EPG5: variants seen among roughly 807,000 people sequenced by gnomAD.
EPG5 encodes the protein ectopic P granules protein 5 homolog.
Under a neutral mutation model 302.7 loss-of-function variants are expected in EPG5, and 159 were observed. The ratio of observed to expected loss-of-function variants is 0.53; its 90% CI spans 0.46 to 0.60. The LOEUF (loss-of-function observed/expected upper bound fraction) is 0.60, where lower values mean the gene tolerates loss of function less well. Ranked by LOEUF, EPG5 falls within the 20% of genes least tolerant of loss-of-function variation. EPG5 has a pLI of 0.00. For missense variants in EPG5, 2,896 were observed against 3,092.4 expected (o/e 0.94, Z 1.51); for synonymous variants, 1,158 against 1,136.8 (o/e 1.02, Z -0.37).
At chr18:45,904,528 C>G (rs956760242) in intron 24 of EPG5, among the ~76,000 whole-genome samples, 1 of 152,008 alleles carries the variant, frequency 6.6e-6, no homozygotes, top group South Asian at 2.1e-4. Flanking sequence ...ATACAGGGGA[C>G]AGAAAAACAT....
chr18:45,868,234 ATGTG>A, intron 36 of EPG5: 1 of 453,054 alleles, frequency 2.2e-6, no homozygotes, highest in Non-Finnish European at 4.4e-6. Context: ...GGGAGCCAGA[ATGTG>A]TAAGTTCCCA....
chr18:45,925,064 T>C (rs2050239745), intron 14 of EPG5, among the ~76,000 whole-genome samples: 1 of 152,154 alleles, frequency 6.6e-6, no homozygotes. Context: ...AACCAATGCA[T>C]AGTGTTTCAG....
In EPG5 at chr18:45,853,581, C is replaced by T. The variant is rs148035398; in HGVS notation, c.7558-932G>A. Among the ~76,000 whole-genome samples, 26 of 152,264 alleles carry T rather than the reference C, an allele frequency of 1.7e-4. No homozygotes were observed. In the East Asian group the frequency reaches 4.8e-3, roughly 28 times the overall value. On this transcript the variant is annotated intron_variant, in intron 43 of 43. Coordinates refer to ENST00000282041, the MANE Select transcript of EPG5 (RefSeq NM_020964.3). ...TGGAGTGCCCCACTCCCTCCTTGTC[C>T]CTTTTACAGAAACCACTGCACTAGA...
chr18:45,807,251 A>G, the EPG5 span, among the ~76,000 whole-genome samples: 2 of 152,120 alleles, frequency 1.3e-5, no homozygotes, highest in African/African-American at 2.4e-5. Context: ...CTGTGCTTAG[A>G]CATGCCTAGC....
At chr18:45,816,228 A>C in the EPG5 span, among the ~76,000 whole-genome samples, 1 of 152,226 alleles carries the variant, frequency 6.6e-6, no homozygotes, top group Non-Finnish European at 1.5e-5. Flanking sequence ...ACATTGGCTT[A>C]GGCAAGAATT....
Position 45,951,236 on chromosome 18 carries a change from AC to A in EPG5, c.1254del (p.Ser419LeufsTer14), listed in dbSNP as rs2050902019. ...GAGGGAATGCTTTCTGTCTGCTTAG[AC>A]GCTGTAAATGAAAGATATTAAATGA... ...RSSAIHQQGRASKQTESIPSD... is the reference protein window; with the variant it reads ...RSSAIHQQGRXSKQTESIPSD... On this transcript the variant is annotated frameshift_variant and splice_region_variant, in exon 4 of 44. Transcript: ENST00000282041. LOFTEE classifies it high-confidence loss of function. 1 of 1,495,094 alleles carries A rather than the reference AC, an allele frequency of 6.7e-7. No homozygotes were observed. Among genetic ancestry groups the A allele is most frequent in the Admixed American group, 2.2e-5 (1 of 44,612 alleles). 92.6% of individuals were successfully genotyped at this position (1,495,094 alleles called of 1,614,324 possible).
rs778043097 is a variant in EPG5 at position 45,915,625 on chromosome 18, C to A, written c.3583-4G>T. On this transcript the variant is annotated splice_region_variant and splice_polypyrimidine_tract_variant and intron_variant, in intron 19 of 43. Transcript: ENST00000282041. ...CACAGTGGTAACCCAAGGCATTCTA[C>A]ACCGGGAGATGTGGAGCAGAGAGAG... 6.2e-7 allele frequency: 1 copy of A among 1,610,168 alleles called. No individual in the cohort carries two copies. Among genetic ancestry groups the A allele is most frequent in the Admixed American group, 1.7e-5 (1 of 59,860 alleles).
chr18:45,885,711 T>C (rs1333919131), intron 29 of EPG5, among the ~76,000 whole-genome samples: 1 of 152,166 alleles, frequency 6.6e-6, no homozygotes, highest in East Asian at 1.9e-4. Flanking sequence ...TAGGCTTGAA[T>C]ATATTAAAAT....
the EPG5 span, among the ~76,000 whole-genome samples, chr18:45,823,492 T>C: frequency 6.6e-6 from 1 of 152,188 alleles, no homozygotes; most frequent in Middle Eastern, 3.2e-3. Flanking sequence ...TCCTTAACCC[T>C]AATATGCAAC....
intron 1 of EPG5, among the ~76,000 whole-genome samples, chr18:45,959,549 G>A (rs1468659722): frequency 6.6e-6 from 1 of 151,082 alleles, no homozygotes; most frequent in Non-Finnish European, 1.5e-5. Context: ...AGGAAGGTGA[G>A]ACAGGAGAAT....
chr18:45,904,699 CACA>C (rs1474666773), intron 24 of EPG5, among the ~76,000 whole-genome samples: 1 of 151,860 alleles, frequency 6.6e-6, no homozygotes, highest in Non-Finnish European at 1.5e-5. Context: ...ATCAACCAAT[CACA>C]ACATGTGGAT....
chr18:45,847,355 G>A (rs1249657891), downstream of EPG5, among the ~76,000 whole-genome samples: 1 of 152,098 alleles, frequency 6.6e-6, no homozygotes, highest in Non-Finnish European at 1.5e-5. Context: ...CTCTTACCAA[G>A]CTCAAGGCCA....
chr18:45,871,027 C>G (rs2048861402), intron 35 of EPG5, among the ~76,000 whole-genome samples: 1 of 152,188 alleles, frequency 6.6e-6, no homozygotes, highest in African/African-American at 2.4e-5. Context: ...CTGAAATACA[C>G]TCCTACAGCT....
At chr18:45,953,080 G>A (rs1267358452) in intron 2 of EPG5, among the ~76,000 whole-genome samples, 4 of 152,086 alleles carry the variant, frequency 2.6e-5, no homozygotes, top group Admixed American at 2.6e-4. Flanking sequence ...GGCTGAAGCA[G>A]GAGAATTGCC....
At chr18:45,936,779 T>A (rs1278336469) in intron 10 of EPG5, among the ~76,000 whole-genome samples, 1 of 124,402 alleles carries the variant, frequency 8.0e-6, no homozygotes, top group Non-Finnish European at 1.6e-5. Flanking sequence ...TACCTGTTAT[T>A]AAATTAAAAA....
chr18:45,825,757 G>A, the EPG5 span: 1 of 1,614,248 alleles, frequency 6.2e-7, no homozygotes, highest in South Asian at 1.1e-5. Flanking sequence ...CTGCTGGCCT[G>A]CTTGGCGTGG....
At chr18:45,812,293 C>T in the EPG5 span, among the ~76,000 whole-genome samples, 1 of 152,324 alleles carries the variant, frequency 6.6e-6, no homozygotes, top group East Asian at 1.9e-4. Context: ...GAAGAACATT[C>T]CATGCTCATG....
chr18:45,905,720 G>T (rs970076731), intron 24 of EPG5, among the ~76,000 whole-genome samples: 11 of 152,112 alleles, frequency 7.2e-5, no homozygotes, highest in African/African-American at 2.4e-4. Context: ...ACCAAGCAAG[G>T]GCTGACTTAA....
At chr18:45,814,309 G>A in the EPG5 span, among the ~76,000 whole-genome samples, 2 of 152,156 alleles carry the variant, frequency 1.3e-5, no homozygotes, top group Non-Finnish European at 2.9e-5. Flanking sequence ...CAACTAGCTT[G>A]TACTCTTCCA....
Sources: allele counts gnomAD v4.1 joint callset (sites outside exome capture counted in the v4.1 genomes callset), GRCh38; gene constraint gnomAD v4.1.1; transcripts MANE v1.5; gene names NCBI Gene and HGNC (gene_info 2026-07-23, HGNC 2026-07-21).